NAPG: variants seen among roughly 807,000 people sequenced by gnomAD.
NAPG encodes the protein gamma-soluble NSF attachment protein.
A neutral mutation model predicts 48.4 loss-of-function variants in NAPG; 25 were observed. The ratio of observed to expected loss-of-function variants is 0.52; its 90% confidence interval spans 0.38 to 0.72. The LOEUF (loss-of-function observed/expected upper bound fraction) is 0.72, where lower values mean the gene tolerates loss of function less well. Ranked by LOEUF, NAPG falls within the 30% of genes least tolerant of loss-of-function variation. The pLI, the probability that NAPG is intolerant of heterozygous loss-of-function variation, is 0.00. For missense variants in NAPG, 359 were observed against 372.5 expected (o/e 0.96, Z 0.30); for synonymous variants, 139 against 127.2 (o/e 1.09, Z -0.62).
rs551263424 is a variant in NAPG at position 10,545,236 on chromosome 18, C to T, written c.507-1090C>T. On this transcript the variant is annotated intron_variant, in intron 8 of 11. Coordinates refer to ENST00000322897, the MANE Select transcript of NAPG (RefSeq NM_003826.3). The stretch of plus-strand genomic sequence containing the variant: ...CTGAGGCAAGAGAATCACTTGAACC[C>T]GGGAGGCAGAGGTTGCGGTGAGCCG... 2.0e-5 allele frequency among the ~76,000 whole-genome samples: 3 copies of T among 152,094 alleles called. No individual in the cohort carries two copies. In the South Asian group the frequency reaches 6.2e-4, roughly 32 times the overall value.
chr18:10,533,326 G>C (rs538030112), intron 3 of NAPG: 1 of 444,036 alleles, frequency 2.3e-6, no homozygotes, highest in Non-Finnish European at 4.0e-6. Flanking sequence ...TTTAAAATCT[G>C]TGCAGTGTTT....
At chr18:10,533,371 T>C in intron 3 of NAPG, 165 bp from the exon 4 acceptor site, 1 of 500,380 alleles carries the variant, frequency 2.0e-6, no homozygotes, top group Non-Finnish European at 3.5e-6. Context: ...AGTTTTAAAC[T>C]ATATTGACAG....
At position 10,534,342 on chromosome 18, in the gene NAPG, A is replaced by C; in HGVS notation, c.228-124A>C. The C allele has an allele frequency of 4.5e-6, 3 of 670,420 alleles. No homozygotes were observed. Among genetic ancestry groups the C allele is most frequent in the Non-Finnish European group, 8.1e-6 (3 of 372,402 alleles). 41.5% of individuals were successfully genotyped at this position (670,420 alleles called of 1,614,324 possible). On this transcript the variant is annotated intron_variant, in intron 4 of 11. Transcript: ENST00000322897. The surrounding 1 kb of genome is among the most constrained non-coding windows in gnomAD (Gnocchi z 5.0). The stretch of plus-strand genomic sequence containing the variant: ...TGTGTGGTAATATAAGCCTGAAGTG[A>C]TATGTTGTGCATGAGCCCATTGTAA...
At chr18:10,529,920 G>T (rs1313282399) in intron 1 of NAPG, among the ~76,000 whole-genome samples, 1 of 152,096 alleles carries the variant, frequency 6.6e-6, no homozygotes, top group African/African-American at 2.4e-5. Flanking sequence ...CTAATTGAAT[G>T]ACATTTAGAA....
At position 10,539,607 on chromosome 18, in the gene NAPG, C is replaced by T; in HGVS notation, c.259-155C>T. On this transcript the variant is annotated intron_variant, in intron 5 of 11. Transcript: ENST00000322897. This position sits in a 1 kb window ranked among gnomAD's most constrained non-coding sequence, Gnocchi z 4.7. The stretch of plus-strand genomic sequence containing the variant: ...TGATGGGTTGATAGGTATAGCAAAC[C>T]ACCATGGGACATGTATACCTATGTA... The T allele has an allele frequency of 1.6e-6, 1 of 637,542 alleles. No individual in the cohort carries two copies. Among genetic ancestry groups the T allele is most frequent in the Non-Finnish European group, 2.8e-6 (1 of 363,574 alleles). The allele number at this position is 637,542 out of a possible 1,614,324, so 39.5% of individuals were successfully genotyped here.
chr18:10,526,451 T>C (rs2031813411), intron 1 of NAPG: 1 of 420,836 alleles, frequency 2.4e-6, no homozygotes, highest in South Asian at 3.4e-5. Context: ...CTTCTCTACT[T>C]GGGCGCTCTG....
rs139803060 is a variant in NAPG, at chr18:10,544,082, A to G, written c.507-2244A>G. Among the ~76,000 whole-genome samples, 193 of 152,396 alleles carry G rather than the reference A, an allele frequency of 1.3e-3. No individual in the cohort carries two copies. Among genetic ancestry groups the G allele is most frequent in the African/African-American group, 4.3e-3 (178 of 41,596 alleles). ...GCTAATAGAATGATATAATCTAGAC[A>G]CGACGGGCACAGAATATTCTGACCA... On this transcript the variant is annotated intron_variant, in intron 8 of 11. Coordinates refer to ENST00000322897, the MANE Select transcript of NAPG (RefSeq NM_003826.3). The surrounding 1 kb of genome is among the most constrained non-coding windows in gnomAD (Gnocchi z 5.1).
rs1466288486 is a variant in NAPG at position 10,552,726 on chromosome 18, G to A, written c.*2506G>A. 1 of 152,116 alleles carries A rather than the reference G, an allele frequency of 6.6e-6. No individual in the cohort carries two copies. Among genetic ancestry groups the A allele is most frequent in the East Asian group, 1.9e-4 (1 of 5,202 alleles). The allele number at this position is 152,116 out of a possible 1,614,324, so 9.4% of individuals were successfully genotyped here. On this transcript the variant is annotated 3_prime_UTR_variant, in exon 12 of 12. Transcript: ENST00000322897. ...GGAAATACAGATTATTGCTTCTATA[G>A]GAAGATAATTATGAAAATAAAACCT... is the stretch of plus-strand genomic sequence containing the variant.
chr18:10,551,768 C>T lies in NAPG; in HGVS notation c.*1548C>T, dbSNP rs993294684. Reference sequence around the variant, plus strand: ...GCGGGAGAGCTTAGAATAACATCCTCCTTTGGGAGGTGGTCTCGGGTGCGT... The same window carrying T: ...GCGGGAGAGCTTAGAATAACATCCTTCTTTGGGAGGTGGTCTCGGGTGCGT... On this transcript the variant is annotated 3_prime_UTR_variant, in exon 12 of 12. Coordinates refer to ENST00000322897, the MANE Select transcript of NAPG (RefSeq NM_003826.3). The T allele has an allele frequency of 6.6e-6, 1 of 152,118 alleles. No individual in the cohort carries two copies. The highest frequency in any genetic ancestry group is 6.5e-5 in the Admixed American group (1 of 15,268). The allele number at this position is 152,118 out of a possible 1,614,324, so 9.4% of individuals were successfully genotyped here.
chr18:10,527,056 C>T (rs998102811), intron 1 of NAPG, among the ~76,000 whole-genome samples: 2 of 151,834 alleles, frequency 1.3e-5, no homozygotes, highest in African/African-American at 2.4e-5. Context: ...GGCGTGGTGG[C>T]GGGCGCCTGT....
chr18:10,549,085 A>G lies in NAPG; in HGVS notation c.784A>G (p.Met262Val), dbSNP rs2032330124. Residue 262 changes from methionine to valine, a missense_variant, in exon 11 of 12, where the codon ATG becomes GTG. Coordinates refer to ENST00000322897, the MANE Select transcript of NAPG (RefSeq NM_003826.3). ...DVCNSPLFKY[M>V]DNDYAKLGLS... is the part of the protein sequence containing the mutation. ...CTGCAACTCACCGCTTTTCAAGTACATGGACAATGATGTAAGTGGACCCAT... is the reference window on the plus strand; with the variant it reads ...CTGCAACTCACCGCTTTTCAAGTACGTGGACAATGATGTAAGTGGACCCAT... The G allele has an allele frequency of 2.5e-6, 4 of 1,613,564 alleles. No homozygotes were observed. The highest frequency in any genetic ancestry group is 1.1e-5 in the South Asian group (1 of 91,034).
chr18:10,549,725 T>C (rs1250315143), intron 11 of NAPG, among the ~76,000 whole-genome samples: 11 of 152,206 alleles, frequency 7.2e-5, no homozygotes, highest in African/African-American at 2.7e-4. Context: ...CTTAGGCCTT[T>C]AGAGTATCAT....
chr18:10,526,802 G>C (rs1456959539), intron 1 of NAPG: 3 of 152,324 alleles, frequency 2.0e-5, no homozygotes, highest in African/African-American at 7.2e-5. Context: ...TTGTGGGACT[G>C]AACTGATAAT....
chr18:10,539,688 A>G lies in NAPG; in HGVS notation c.259-74A>G, dbSNP rs925639973. On this transcript the variant is annotated intron_variant, in intron 5 of 11. Transcript: ENST00000322897. This position sits in a 1 kb window ranked among gnomAD's most constrained non-coding sequence, Gnocchi z 4.7. The stretch of plus-strand genomic sequence containing the variant: ...AGAACTTAAAATAAAAAATAATTGC[A>G]TTTCAGATTGTTAACTCTGTTTTTC... 4.1e-5 allele frequency: 49 copies of G among 1,199,884 alleles called. No homozygotes were observed. The highest frequency in any genetic ancestry group is 5.5e-5 in the Non-Finnish European group (45 of 817,644). The allele number at this position is 1,199,884 out of a possible 1,614,324, so 74.3% of individuals were successfully genotyped here. A position where few individuals can be genotyped will look rare whatever the true frequency, so the allele number is the denominator to read the frequency against.
Position 10,526,107 on chromosome 18 carries a change from C to A in NAPG, c.5C>A (p.Ala2Glu). Residue 2 changes from alanine (A) to glutamate (E), a missense_variant, in exon 1 of 12, where the codon GCG becomes GAG. Coordinates refer to ENST00000322897, the MANE Select transcript of NAPG (RefSeq NM_003826.3). ...GTCAGAGACCTGACTGTGGAGATGG[C>A]GGCTCAGAAGATAAACGAGGGGCTG... M[A>E]AQKINEGLEH... 6.2e-7 allele frequency: 1 copy of A among 1,613,534 alleles called. No homozygotes were observed. Among genetic ancestry groups the A allele is most frequent in the South Asian group, 1.1e-5 (1 of 91,062 alleles).
Position 10,542,550 on chromosome 18 carries a change from T to G in NAPG, c.506+2151T>G, listed in dbSNP as rs2032178019. Among the ~76,000 whole-genome samples the G allele has an allele frequency of 6.6e-6, 1 of 152,182 alleles. No homozygotes were observed. Among genetic ancestry groups the G allele is most frequent in the African/African-American group, 2.4e-5 (1 of 41,452 alleles). ...TGAAAATATTAACTATGTGCTTAGA[T>G]TATTATTTGATTGCATCTGTTGCCT... On this transcript the variant is annotated intron_variant, in intron 8 of 11. Transcript: ENST00000322897. The surrounding 1 kb of genome is among the most constrained non-coding windows in gnomAD (Gnocchi z 4.5).
rs1273678195 is a variant in NAPG, at chr18:10,543,949, ATATT to A, written c.507-2376_507-2373del. 2.0e-5 allele frequency among the ~76,000 whole-genome samples: 3 copies of A among 152,220 alleles called. No individual in the cohort carries two copies. The highest frequency in any genetic ancestry group is 2.9e-5 in the Non-Finnish European group (2 of 68,036). ...CTTGGCTCTTTTGTTAGGTAACTAT[ATATT>A]AGCACATAGAAATGCTAATATTATG... On this transcript the variant is annotated intron_variant, in intron 8 of 11. Coordinates refer to ENST00000322897, the MANE Select transcript of NAPG (RefSeq NM_003826.3). This position sits in a 1 kb window ranked among gnomAD's most constrained non-coding sequence, Gnocchi z 4.4.
chr18:10,536,056 TCAAA>T (rs887139811), intron 5 of NAPG, among the ~76,000 whole-genome samples: 24 of 152,294 alleles, frequency 1.6e-4, no homozygotes, highest in African/African-American at 5.3e-4. Flanking sequence ...TAAGAAATGC[TCAAA>T]CACTCTAATT....
intron 5 of NAPG, among the ~76,000 whole-genome samples, chr18:10,535,110 T>C (rs1220849325): frequency 6.6e-6 from 1 of 152,260 alleles, no homozygotes; most frequent in Non-Finnish European, 1.5e-5. Flanking sequence ...GAAGTATTTG[T>C]CTTTCTTTTT....
Sources: allele counts gnomAD v4.1 joint callset (sites outside exome capture counted in the v4.1 genomes callset), GRCh38; gene constraint gnomAD v4.1.1; non-coding constraint Gnocchi (gnomAD v3.1); transcripts MANE v1.5; gene names NCBI Gene and HGNC (gene_info 2026-07-23, HGNC 2026-07-21).